ROCK1: variants seen among roughly 807,000 people sequenced by gnomAD.
ROCK1 encodes the protein rho-associated protein kinase 1.
ROCK1 carries 36 observed loss-of-function variants against 196.8 expected under a neutral mutation model. That is an observed-to-expected ratio of 0.18 (90% CI 0.14 to 0.24). The LOEUF (loss-of-function observed/expected upper bound fraction) is 0.24. Ranked by LOEUF, ROCK1 falls within the 10% of genes least tolerant of loss-of-function variation. The pLI, the probability that ROCK1 is intolerant of heterozygous loss-of-function variation, is 1.00. For synonymous variants in ROCK1, 443 were observed against 515.9 expected, an observed-to-expected ratio of 0.86 and a Z score of 1.91; for missense variants, 920 against 1,562.0, an observed-to-expected ratio of 0.59 and a Z score of 6.93.
intron 2 of ROCK1, among the ~76,000 whole-genome samples, chr18:21,067,454 T>G (rs1178599501): frequency 6.6e-6 from 1 of 151,084 alleles, no homozygotes; most frequent in Non-Finnish European, 1.5e-5. Context: ...TGGTGCAATC[T>G]TGGCTCACTG....
chr18:20,961,734 C>T (rs1390412020), intron 27 of ROCK1, among the ~76,000 whole-genome samples: 1 of 151,204 alleles, frequency 6.6e-6, no homozygotes, highest in Non-Finnish European at 1.5e-5. Flanking sequence ...TATTCCTCTT[C>T]ATATAAATTG....
chr18:21,000,604 G>A (rs2035715673), intron 16 of ROCK1, among the ~76,000 whole-genome samples: 1 of 152,104 alleles, frequency 6.6e-6, no homozygotes, highest in Non-Finnish European at 1.5e-5. Context: ...CATTTACACA[G>A]GAAAGAATAG....
intron 9 of ROCK1, among the ~76,000 whole-genome samples, chr18:21,035,904 C>G (rs2036052961): frequency 6.6e-6 from 1 of 152,082 alleles, no homozygotes; most frequent in South Asian, 2.1e-4. Context: ...ATAGTGATTA[C>G]TGGACAGGGA....
intron 10 of ROCK1, among the ~76,000 whole-genome samples, chr18:21,025,293 T>C (rs572974629): frequency 5.9e-5 from 9 of 152,358 alleles, no homozygotes; most frequent in Admixed American, 5.2e-4. Context: ...AATTCAGCTA[T>C]AATTAAGCAA....
At chr18:21,062,164 T>C (rs1216609911) in intron 2 of ROCK1, among the ~76,000 whole-genome samples, 1 of 152,074 alleles carries the variant, frequency 6.6e-6, no homozygotes, top group Non-Finnish European at 1.5e-5. Flanking sequence ...CTAAATATCA[T>C]TCTCCAATAA....
chr18:21,026,445 G>GAAAAAAAAAA (rs747563785), intron 10 of ROCK1, among the ~76,000 whole-genome samples: 1 of 35,308 alleles, frequency 2.8e-5, no homozygotes, highest in Non-Finnish European at 5.9e-5. Context: ...ACTCTGTCTC[G>GAAAAAAAAAA]AAAAAAAAAA....
At chr18:20,981,543 A>C (rs149238713) in intron 21 of ROCK1, among the ~76,000 whole-genome samples, 46 of 152,292 alleles carry the variant, frequency 3.0e-4, no homozygotes, top group African/African-American at 1.1e-3. Flanking sequence ...TCAGACTCAT[A>C]TTGTGTTAGT....
intron 24 of ROCK1, 21 bp from the exon 25 acceptor site, chr18:20,968,881 ATG>A: frequency 1.1e-5 from 15 of 1,384,826 alleles, no homozygotes; most frequent in Non-Finnish European, 1.5e-5. Flanking sequence ...ATTATATTAA[ATG>A]TTATTGTATG....
chr18:21,095,331 T>G (rs575855910), intron 1 of ROCK1, among the ~76,000 whole-genome samples: 1 of 151,980 alleles, frequency 6.6e-6, no homozygotes, highest in Non-Finnish European at 1.5e-5. Context: ...AAACTACCCA[T>G]AGAATCCAGC....
chr18:21,022,289 G>A (rs2035920055), intron 11 of ROCK1, among the ~76,000 whole-genome samples: 1 of 152,208 alleles, frequency 6.6e-6, no homozygotes, highest in South Asian at 2.1e-4. Flanking sequence ...AAGCAAGTAA[G>A]ATTTTGTTTT....
intron 29 of ROCK1, among the ~76,000 whole-genome samples, chr18:20,959,271 G>T: frequency 7.9e-6 from 1 of 126,898 alleles, no homozygotes; most frequent in Non-Finnish European, 1.6e-5. Flanking sequence ...GAGTGCAGTG[G>T]CGCAATCTAG....
At chr18:20,989,603 C>T (rs576163134) in intron 18 of ROCK1, among the ~76,000 whole-genome samples, 11 of 152,168 alleles carry the variant, frequency 7.2e-5, no homozygotes, top group African/African-American at 2.7e-4. Context: ...TGACAGATTG[C>T]TGCATGGATT....
chr18:21,041,907 A>C (rs1322321658), intron 8 of ROCK1, among the ~76,000 whole-genome samples, 190 bp downstream of exon 8: 2 of 152,164 alleles, frequency 1.3e-5, no homozygotes, highest in Admixed American at 6.5e-5. Flanking sequence ...TTATTATCAC[A>C]ATTTCTTAGG....
At chr18:20,953,855 C>A (rs1236460673) in intron 31 of ROCK1, 70 bp from the exon 32 acceptor site, 1 of 640,378 alleles carries the variant, frequency 1.6e-6, no homozygotes, top group Non-Finnish European at 2.6e-6. Context: ...CTATCAAATG[C>A]ATAGTTTTTC....
At chr18:21,088,382 G>A (rs1459939458) in intron 1 of ROCK1, among the ~76,000 whole-genome samples, 1 of 152,162 alleles carries the variant, frequency 6.6e-6, no homozygotes, top group Non-Finnish European at 1.5e-5. Flanking sequence ...TGTGGTCCCA[G>A]CTACTCAGGA....
chr18:21,055,832 A>G (rs1457850697), intron 2 of ROCK1, among the ~76,000 whole-genome samples: 1 of 152,106 alleles, frequency 6.6e-6, no homozygotes, highest in Non-Finnish European at 1.5e-5. Context: ...CTTTCCTACT[A>G]TTTGCTCTAA....
At position 20,959,102 on chromosome 18, in the gene ROCK1, A is replaced by T. The variant is rs1437677101; in HGVS notation, c.3512+738T>A. Among the ~76,000 whole-genome samples, 5 of 20,562 alleles carry T rather than the reference A, an allele frequency of 2.4e-4. 1 individual carries two copies. Among genetic ancestry groups the T allele is most frequent in the South Asian group, 1.4e-3 (1 of 738 alleles). The allele number at this position is 20,562 out of a possible 152,430, so 13.5% of individuals were successfully genotyped here. On this transcript the variant is annotated intron_variant, in intron 29 of 32. Transcript: ENST00000399799. Reference sequence around the variant, plus strand: ...TATATATATTTTATATAATATATATATTATATATATATTATATAATATATA... The same window carrying T: ...TATATATATTTTATATAATATATATTTTATATATATATTATATAATATATA...
chr18:21,065,203 G>T (rs1365821940), intron 2 of ROCK1, among the ~76,000 whole-genome samples: 1 of 152,150 alleles, frequency 6.6e-6, no homozygotes, highest in African/African-American at 2.4e-5. Context: ...ACTCTGAATA[G>T]TGATTATTCG....
At chr18:21,094,478 G>A (rs573872854) in intron 1 of ROCK1, among the ~76,000 whole-genome samples, 27 of 152,066 alleles carry the variant, frequency 1.8e-4, no homozygotes, top group African/African-American at 5.8e-4. Flanking sequence ...CAAAGAAGAC[G>A]TCTATCATGC....
Sources: allele counts gnomAD v4.1 joint callset (sites outside exome capture counted in the v4.1 genomes callset), GRCh38; gene constraint gnomAD v4.1.1; transcripts MANE v1.5; gene names NCBI Gene and HGNC (gene_info 2026-07-23, HGNC 2026-07-21).